ADARB2: variants seen among roughly 807,000 people sequenced by gnomAD.
ADARB2 encodes the protein adenosine deaminase RNA specific B2 (inactive), also known as inactive double-stranded RNA-specific editase B2.
In ADARB2, 25 loss-of-function variants were observed where a neutral mutation model predicts 62.2. The observed-to-expected ratio is 0.40, with a 90% confidence interval of 0.29 to 0.56. The LOEUF is 0.56. Among genes scored for constraint, ADARB2 ranks in the 20% least tolerant of loss-of-function variants. The probability of loss-of-function intolerance (pLI) is 0.43; values close to 1 mark genes in which losing one functional copy is unlikely to be tolerated. For synonymous variants in ADARB2, 572 were observed against 500.8 expected, an observed-to-expected ratio of 1.14 and a Z score of -1.90; for missense variants, 1,071 against 1,077.4, an observed-to-expected ratio of 0.99 and a Z score of 0.08.
intron 3 of ADARB2, among the ~76,000 whole-genome samples, chr10:1,326,501 T>A (rs11250416): frequency 6.6e-6 from 1 of 152,038 alleles, no homozygotes; most frequent in African/African-American, 2.4e-5. Context: ...CTATGAACTC[T>A]GAAAAGTAAC....
At chr10:1,422,275 T>A (rs957663476) in intron 1 of ADARB2, among the ~76,000 whole-genome samples, 2 of 152,218 alleles carry the variant, frequency 1.3e-5, no homozygotes, top group African/African-American at 4.8e-5. Flanking sequence ...CTGGAAGACT[T>A]AATATAAGGT....
At chr10:1,663,270 G>A (rs1405510794) in intron 1 of ADARB2, among the ~76,000 whole-genome samples, 1 of 152,174 alleles carries the variant, frequency 6.6e-6, no homozygotes, top group Non-Finnish European at 1.5e-5. Flanking sequence ...CATTGATTAC[G>A]ACTGATGAAG....
At chr10:1,651,662 C>G (rs1834112253) in intron 1 of ADARB2, among the ~76,000 whole-genome samples, 1 of 152,174 alleles carries the variant, frequency 6.6e-6, no homozygotes, top group South Asian at 2.1e-4. Context: ...TACTGCCAAG[C>G]AAGGGGCACA....
At chr10:1,411,336 G>A (rs1260052988) in intron 1 of ADARB2, among the ~76,000 whole-genome samples, 1 of 152,202 alleles carries the variant, frequency 6.6e-6, no homozygotes, top group Non-Finnish European at 1.5e-5. Flanking sequence ...TGCACCGGAG[G>A]CTCCGTCGTT....
chr10:1,216,879 G>A (rs899987914), intron 7 of ADARB2, 72 bp downstream of exon 7: 19 of 1,555,942 alleles, frequency 1.2e-5, no homozygotes, highest in Non-Finnish European at 1.6e-5. Flanking sequence ...GAAGTGGGAT[G>A]CAGGGAGCCT....
At chr10:1,240,268 A>C (rs1375392297) in intron 5 of ADARB2, 3 of 95,320 alleles carry the variant, frequency 3.1e-5, no homozygotes, top group Admixed American at 1.1e-4. Flanking sequence ...CCCGGTGTTT[A>C]CTCCCCTCTG....
chr10:1,213,636 C>T (rs1306495620), intron 7 of ADARB2, among the ~76,000 whole-genome samples: 2 of 152,238 alleles, frequency 1.3e-5, no homozygotes, highest in African/African-American at 4.8e-5. Context: ...CAGGAATTCT[C>T]ACTCTAGCTG....
At chr10:1,402,652 C>T (rs1832675120) in intron 1 of ADARB2, among the ~76,000 whole-genome samples, 1 of 152,164 alleles carries the variant, frequency 6.6e-6, no homozygotes, top group South Asian at 2.1e-4. Flanking sequence ...CCTTCCTCGC[C>T]ATCAGCTCCC....
At position 1,325,224 on chromosome 10, in the gene ADARB2, C is replaced by T. The variant is rs1831833795; in HGVS notation, c.1077+37804G>A. 2.0e-5 allele frequency among the ~76,000 whole-genome samples: 3 copies of T among 152,180 alleles called. No homozygotes were observed. In the South Asian group the frequency reaches 6.2e-4, roughly 32 times the overall value. On this transcript the variant is annotated intron_variant, in intron 3 of 9. Transcript: ENST00000381312. ...ACCTCCGTGGACACAGAGTCCTCTA[C>T]CGGGGGGTCCCTCCTCATGAGAACA...
intron 4 of ADARB2, among the ~76,000 whole-genome samples, chr10:1,250,984 T>C (rs1350652117): frequency 1.3e-5 from 2 of 152,184 alleles, no homozygotes; most frequent in South Asian, 2.1e-4. Context: ...CTCAAACCAC[T>C]GAGGCAAAGA....
chr10:1,641,416 T>C (rs1307500576), intron 1 of ADARB2, among the ~76,000 whole-genome samples: 1 of 152,240 alleles, frequency 6.6e-6, no homozygotes, highest in African/African-American at 2.4e-5. Context: ...ATATCAGGTC[T>C]AAAAACCACA....
chr10:1,559,698 C>T (rs1182759589), intron 1 of ADARB2, among the ~76,000 whole-genome samples: 1 of 152,196 alleles, frequency 6.6e-6, no homozygotes, highest in African/African-American at 2.4e-5. Flanking sequence ...CTTAGCGACT[C>T]CACAGTCCTG....
intron 3 of ADARB2, among the ~76,000 whole-genome samples, chr10:1,289,457 T>G (rs1329213665): frequency 6.6e-6 from 1 of 152,188 alleles, no homozygotes; most frequent in East Asian, 1.9e-4. Context: ...GGGTTCACGT[T>G]GGGGACCTGG....
chr10:1,184,861 C>T lies in ADARB2; in HGVS notation c.2043G>A (p.Arg681=). 3 of 1,611,936 alleles carry T rather than the reference C, an allele frequency of 1.9e-6. No individual in the cohort carries two copies. The highest frequency in any genetic ancestry group is 2.2e-5 in the East Asian group (1 of 44,832). Residue 681 remains arginine, a splice_region_variant and synonymous_variant, in exon 9 of 10, where the codon AGG becomes AGA. Coordinates refer to ENST00000381312, the MANE Select transcript of ADARB2 (RefSeq NM_018702.4). The part of the protein sequence containing the change: ...LSARWARLYG[R]LSTRTPSPGD... ...CCCTGCAAGGATGGGTGCGACCTAC[C>T]CTGCCATACAGCCGCGCCCACCGTG... is the stretch of plus-strand genomic sequence containing the variant.
intron 1 of ADARB2, among the ~76,000 whole-genome samples, chr10:1,576,133 TCAC>T (rs1833016121): frequency 2.0e-5 from 1 of 48,938 alleles, no homozygotes; most frequent in Non-Finnish European, 3.8e-5. Context: ...GGGCCCAGGG[TCAC>T]AAGAGGGGGG....
chr10:1,723,122 C>T (rs1298950129), intron 1 of ADARB2, among the ~76,000 whole-genome samples: 1 of 152,248 alleles, frequency 6.6e-6, no homozygotes, highest in African/African-American at 2.4e-5. Context: ...GCGCATGCCC[C>T]TTCTCAGAAG....
At chr10:1,429,421 C>A (rs1164670524) in intron 1 of ADARB2, among the ~76,000 whole-genome samples, 1 of 152,130 alleles carries the variant, frequency 6.6e-6, no homozygotes, top group Non-Finnish European at 1.5e-5. Context: ...TAAACTGAAA[C>A]CTTTAGTATG....
At chr10:1,537,554 A>G (rs146475228) in intron 1 of ADARB2, among the ~76,000 whole-genome samples, 26 of 152,336 alleles carry the variant, frequency 1.7e-4, no homozygotes, top group African/African-American at 5.5e-4. Flanking sequence ...AAAGACTTAG[A>G]ACCAACCCAA....
rs534859730 is a variant in ADARB2 at position 1,180,854 on chromosome 10, C to T, written c.*2339G>A. The T allele has an allele frequency of 3.1e-4, 47 of 152,392 alleles. No individual in the cohort carries two copies. The highest frequency in any genetic ancestry group is 1.0e-3 in the African/African-American group (42 of 41,586). 9.4% of individuals were successfully genotyped at this position (152,392 alleles called of 1,614,324 possible). A position where few individuals can be genotyped will look rare whatever the true frequency, so the allele number is the denominator to read the frequency against. ...TCCATACACTTGTACTAATGGGTAG[C>T]ATGGAATTAATGTGTGGCTTTCTCC... On this transcript the variant is annotated 3_prime_UTR_variant, in exon 10 of 10. Coordinates refer to ENST00000381312, the MANE Select transcript of ADARB2 (RefSeq NM_018702.4).
Sources: gnomAD v4.1 joint callset for allele counts (sites outside exome capture counted in the v4.1 genomes callset) on GRCh38, gnomAD v4.1.1 for gene constraint, MANE v1.5 for transcripts, NCBI Gene and HGNC (gene_info 2026-07-23, HGNC 2026-07-21) for gene names.